Variants in TMEM204 observed in about 807,000 individuals in gnomAD.
The protein encoded by TMEM204 is claudin-like protein 24.
Under a neutral mutation model 19.4 loss-of-function variants are expected in TMEM204, and 15 were observed. The observed-to-expected ratio is 0.77, with a 90% CI of 0.52 to 1.19. TMEM204 has a LOEUF of 1.19. Ranked by LOEUF, TMEM204 falls within the 50% of genes most tolerant of loss-of-function variation. The pLI is 0.00. For synonymous variants in TMEM204, 161 were observed against 146.0 expected (o/e 1.10, Z -0.74); for missense variants, 287 against 321.2 (o/e 0.89, Z 0.81).
In TMEM204 at chr16:1,555,005, C is replaced by T. The variant is rs1349724679; in HGVS notation, c.660C>T (p.Asp220=). Residue 220 remains aspartate, a synonymous_variant, in exon 3 of 3, where the codon GAC becomes GAT. Coordinates refer to ENST00000566264, the MANE Select transcript of TMEM204 (RefSeq NM_024600.6). ...GCTTTCGCCGTGGGCTGGACAATGA[C>T]TACGTGGAGTCACCATGCTGAGTCG... ...TARFRRGLDN[D]YVESPC is the part of the protein sequence containing the mutation. 1 of 1,612,244 alleles carries T rather than the reference C, an allele frequency of 6.2e-7. No homozygotes were observed. Among genetic ancestry groups the T allele is most frequent in the Non-Finnish European group, 8.5e-7 (1 of 1,179,506 alleles).
intron 1 of TMEM204, among the ~76,000 whole-genome samples, chr16:1,536,656 G>A (rs750687483): frequency 6.6e-6 from 1 of 152,096 alleles, no homozygotes; most frequent in Non-Finnish European, 1.5e-5. Context: ...TGTCACCCAG[G>A]CTGGAGTGCA....
upstream of TMEM204, chr16:1,532,423 CT>C (rs1273695560): frequency 1.3e-5 from 2 of 152,344 alleles, no homozygotes; most frequent in African/African-American, 4.8e-5. Context: ...TGCTGCCTTT[CT>C]GGAACAGACA....
Position 1,553,551 on chromosome 16 carries a change from C to G in TMEM204, c.437-1231C>G. ...ACAAGTCCTCTATGGACAAGAGGGGCTGGAGAGTTTAATCTGGACCAGTGT... is the reference window on the plus strand; with the variant it reads ...ACAAGTCCTCTATGGACAAGAGGGGGTGGAGAGTTTAATCTGGACCAGTGT... On this transcript the variant is annotated intron_variant, in intron 2 of 2. Transcript: ENST00000566264. The surrounding 1 kb of genome is among the most constrained non-coding windows in gnomAD (Gnocchi z 4.4). 1.0e-6 allele frequency: 1 copy of G among 1,001,358 alleles called. No individual in the cohort carries two copies. Among genetic ancestry groups the G allele is most frequent in the South Asian group, 4.3e-5 (1 of 23,050 alleles). 62.0% of individuals were successfully genotyped at this position (1,001,358 alleles called of 1,614,324 possible).
At chr16:1,550,088 C>A (rs948194599) in intron 2 of TMEM204, among the ~76,000 whole-genome samples, 1 of 152,172 alleles carries the variant, frequency 6.6e-6, no homozygotes, top group Non-Finnish European at 1.5e-5. Context: ...CAGGTGTGCA[C>A]CACCACGCCC....
upstream of TMEM204, chr16:1,533,633 T>C (rs8048206): frequency 0.21 from 32,045 of 152,284 alleles, 4,269 homozygotes; most frequent in African/African-American, 0.37. The surrounding 1 kb of genome is among the most constrained non-coding windows in gnomAD (Gnocchi z 4.7). Context: ...TGGCTACGCC[T>C]TCCAGCTCAC....
intron 2 of TMEM204, among the ~76,000 whole-genome samples, chr16:1,549,132 T>C (rs2032425312): frequency 6.6e-6 from 1 of 152,252 alleles, no homozygotes; most frequent in African/African-American, 2.4e-5. Flanking sequence ...GTGGCGCCTC[T>C]GGGTCTCACT....
chr16:1,547,647 C>T (rs954727187), intron 2 of TMEM204, among the ~76,000 whole-genome samples: 16 of 152,174 alleles, frequency 1.1e-4, no homozygotes, highest in African/African-American at 3.9e-4. Context: ...AGTGATTCTC[C>T]TGCCTCAGCC....
At chr16:1,549,158 T>C (rs1039290190) in intron 2 of TMEM204, among the ~76,000 whole-genome samples, 2 of 152,378 alleles carry the variant, frequency 1.3e-5, no homozygotes, top group South Asian at 2.1e-4. Context: ...CCGAGGGCGC[T>C]GTCCTAACCT....
chr16:1,542,523 C>T (rs2076446), intron 2 of TMEM204, among the ~76,000 whole-genome samples: 38,650 of 152,122 alleles, frequency 0.25, 5,470 homozygotes, highest in African/African-American at 0.37. Context: ...AGCTAAGAGG[C>T]CTAGAACAGG....
Position 1,534,044 on chromosome 16 carries a change from C to G in TMEM204, c.-232C>G, listed in dbSNP as rs1016328737. ...ACCCTCTGCTCCCTGGGATGGGCCCCGAGGCGAGCAGCTTCAGCACAGGCC... is the reference window on the plus strand; with the variant it reads ...ACCCTCTGCTCCCTGGGATGGGCCCGGAGGCGAGCAGCTTCAGCACAGGCC... On this transcript the variant is annotated 5_prime_UTR_variant, in exon 1 of 3. Coordinates refer to ENST00000566264, the MANE Select transcript of TMEM204 (RefSeq NM_024600.6). 1.8e-6 allele frequency: 1 copy of G among 551,530 alleles called. No homozygotes were observed. Among genetic ancestry groups the G allele is most frequent in the Non-Finnish European group, 3.1e-6 (1 of 324,342 alleles). 34.2% of individuals were successfully genotyped at this position (551,530 alleles called of 1,614,324 possible). A position where few individuals can be genotyped will look rare whatever the true frequency, so the allele number is the denominator to read the frequency against.
rs79799097 is a variant in TMEM204 at position 1,534,275 on chromosome 16, G to A, written c.-1G>A. The A allele has an allele frequency of 5.0e-6, 8 of 1,610,900 alleles. No homozygotes were observed. The highest frequency in any genetic ancestry group is 2.2e-5 in the South Asian group (2 of 91,002). ...GATAAGCGGCGGCACCGGCGTCAGCGATGACCGTGCAGAGACTCGTGGCCG... is the reference window on the plus strand; with the variant it reads ...GATAAGCGGCGGCACCGGCGTCAGCAATGACCGTGCAGAGACTCGTGGCCG... On this transcript the variant is annotated 5_prime_UTR_variant, in exon 1 of 3. Coordinates refer to ENST00000566264, the MANE Select transcript of TMEM204 (RefSeq NM_024600.6).
intron 1 of TMEM204, among the ~76,000 whole-genome samples, chr16:1,536,316 C>T (rs2031068119): frequency 6.6e-6 from 1 of 152,224 alleles, no homozygotes; most frequent in East Asian, 1.9e-4. Flanking sequence ...CCCGGCTGTC[C>T]ACTTGCTTAG....
At position 1,554,879 on chromosome 16, in the gene TMEM204, G is replaced by A. The variant is rs767083794; in HGVS notation, c.534G>A (p.Leu178=). The A allele has an allele frequency of 6.2e-7, 1 of 1,614,244 alleles. No homozygotes were observed. Among genetic ancestry groups the A allele is most frequent in the Non-Finnish European group, 8.5e-7 (1 of 1,180,056 alleles). The stretch of plus-strand genomic sequence containing the variant: ...ACCTGAACATTGGCGCCTGCCTTCT[G>A]GCCACGCTGGCGGCAGCCATGCTCA... The part of the protein sequence containing the change: ...SCYLNIGACL[L]ATLAAAMLIW... The change falls in exon 3 of 3, where the codon CTG becomes CTA. Residue 178 remains leucine (L), a synonymous_variant. Coordinates refer to ENST00000566264, the MANE Select transcript of TMEM204 (RefSeq NM_024600.6).
chr16:1,533,126 C>G (rs1458329756), upstream of TMEM204: 1 of 150,792 alleles, frequency 6.6e-6, no homozygotes, highest in Non-Finnish European at 1.5e-5. This position sits in a 1 kb window ranked among gnomAD's most constrained non-coding sequence, Gnocchi z 4.7. Flanking sequence ...AAGTACAGGT[C>G]CCTGGCCCCG....
intron 2 of TMEM204, among the ~76,000 whole-genome samples, chr16:1,546,971 G>A (rs1722543284): frequency 6.6e-6 from 1 of 152,194 alleles, no homozygotes; most frequent in Admixed American, 6.5e-5. Flanking sequence ...TCCCCCAGTC[G>A]GTGCTCACAT....
At chr16:1,536,829 CCT>C (rs1179372569) in intron 1 of TMEM204, among the ~76,000 whole-genome samples, 1 of 152,214 alleles carries the variant, frequency 6.6e-6, no homozygotes, top group African/African-American at 2.4e-5. Context: ...CGGGGTGGCC[CCT>C]CTGTCCACAG....
rs540229484 is a variant in TMEM204 at position 1,534,259 on chromosome 16, C to T, written c.-17C>T. On this transcript the variant is annotated 5_prime_UTR_variant, in exon 1 of 3. Coordinates refer to ENST00000566264, the MANE Select transcript of TMEM204 (RefSeq NM_024600.6). ...GACTTGGCTTTCTCCGGATAAGCGG[C>T]GGCACCGGCGTCAGCGATGACCGTG... 25 of 1,607,858 alleles carry T rather than the reference C, an allele frequency of 1.6e-5. No homozygotes were observed. The highest frequency in any genetic ancestry group is 1.7e-4 in the Middle Eastern group (1 of 6,018).
chr16:1,539,210 G>A (rs2031388618), intron 1 of TMEM204, among the ~76,000 whole-genome samples: 1 of 151,304 alleles, frequency 6.6e-6, no homozygotes, highest in Non-Finnish European at 1.5e-5. Flanking sequence ...GCCACACGGT[G>A]CCAACGCCGA....
chr16:1,540,676 G>T (rs925909047), intron 1 of TMEM204: 3 of 248,044 alleles, frequency 1.2e-5, no homozygotes, highest in Non-Finnish European at 1.3e-5. Flanking sequence ...CGGGCGCGGG[G>T]ACCCGCTCCT....
Sources: gnomAD v4.1 joint callset for allele counts (sites outside exome capture counted in the v4.1 genomes callset) on GRCh38, gnomAD v4.1.1 for gene constraint, Gnocchi (gnomAD v3.1) non-coding constraint, MANE v1.5 for transcripts, NCBI Gene and HGNC (gene_info 2026-07-23, HGNC 2026-07-21) for gene names.